Variants in FAM78B observed in about 807,000 individuals in gnomAD.
The protein encoded by FAM78B is family with sequence similarity 78 member B, also known as protein FAM78B.
FAM78B carries 10 observed loss-of-function variants against 20.0 expected under a neutral mutation model. That is an observed-to-expected ratio of 0.50 (90% CI 0.31 to 0.85). The LOEUF (loss-of-function observed/expected upper bound fraction) is 0.85, where lower values mean the gene tolerates loss of function less well. FAM78B is among the 40% of genes least tolerant of loss of function. The pLI, the probability that FAM78B is intolerant of heterozygous loss-of-function variation, is 0.05. For missense variants in FAM78B, 283 were observed against 345.0 expected (o/e 0.82, Z 1.42); for synonymous variants, 135 against 132.8 (o/e 1.02, Z -0.12).
At chr1:166,092,171 G>C (rs569742277) in intron 1 of FAM78B, among the ~76,000 whole-genome samples, 1 of 151,996 alleles carries the variant, frequency 6.6e-6, no homozygotes, top group African/African-American at 2.4e-5. Context: ...TGGTAAACAT[G>C]AGCCAGAAAT....
intron 1 of FAM78B, among the ~76,000 whole-genome samples, chr1:166,083,494 A>G (rs1483823798): frequency 6.6e-6 from 1 of 151,958 alleles, no homozygotes; most frequent in Non-Finnish European, 1.5e-5. Flanking sequence ...TAATAACAAA[A>G]CCCACGCTGT....
chr1:166,141,820 G>A (rs1444347079), intron 1 of FAM78B, among the ~76,000 whole-genome samples: 1 of 152,198 alleles, frequency 6.6e-6, no homozygotes, highest in Admixed American at 6.5e-5. Flanking sequence ...GCCAAGAACA[G>A]ACTAAGAGTG....
chr1:166,114,431 G>C (rs1654181751), intron 1 of FAM78B, among the ~76,000 whole-genome samples: 1 of 152,188 alleles, frequency 6.6e-6, no homozygotes, highest in South Asian at 2.1e-4. Flanking sequence ...CCACCTTTTG[G>C]AAAGACTGGC....
chr1:166,076,410 A>G (rs1334263842), intron 1 of FAM78B, among the ~76,000 whole-genome samples: 2 of 152,024 alleles, frequency 1.3e-5, no homozygotes, highest in Non-Finnish European at 2.9e-5. Flanking sequence ...ATTCCTTTGG[A>G]TATCTGAAAG....
chr1:166,071,444 G>A (rs917012295), intron 1 of FAM78B, among the ~76,000 whole-genome samples: 1 of 152,192 alleles, frequency 6.6e-6, no homozygotes, highest in Non-Finnish European at 1.5e-5. Flanking sequence ...GTCCAGCCTG[G>A]AAGCCTCACA....
chr1:166,101,877 C>T (rs570675328), intron 1 of FAM78B, among the ~76,000 whole-genome samples: 2,580 of 151,930 alleles, frequency 0.017, 76 homozygotes, highest in African/African-American at 0.058. Context: ...AGATACTCCT[C>T]GAGAAGAGCA....
intron 1 of FAM78B, among the ~76,000 whole-genome samples, chr1:166,140,779 C>G (rs899952322): frequency 7.2e-5 from 11 of 152,202 alleles, no homozygotes; most frequent in African/African-American, 2.2e-4. Flanking sequence ...CCTCCCTGAT[C>G]ACTGGTCTAC....
intron 1 of FAM78B, among the ~76,000 whole-genome samples, chr1:166,160,887 G>C (rs1228330238): frequency 3.3e-5 from 5 of 152,200 alleles, no homozygotes; most frequent in Non-Finnish European, 7.3e-5. Context: ...ATGGTAACCA[G>C]TATAAGAACA....
intron 1 of FAM78B, among the ~76,000 whole-genome samples, chr1:166,083,007 A>G (rs1013869327): frequency 6.6e-6 from 1 of 152,184 alleles, no homozygotes; most frequent in Non-Finnish European, 1.5e-5. Context: ...CACACATTCA[A>G]TCCAGCCCAT....
downstream of FAM78B, among the ~76,000 whole-genome samples, chr1:166,069,028 A>G (rs1651907689): frequency 1.3e-5 from 2 of 152,192 alleles, no homozygotes; most frequent in South Asian, 4.1e-4. Context: ...ATTTTCTTTG[A>G]AGAGCTCTAA....
chr1:166,103,860 A>G (rs1279368858), intron 1 of FAM78B, among the ~76,000 whole-genome samples: 1 of 152,244 alleles, frequency 6.6e-6, no homozygotes. Context: ...TTATGAGGCC[A>G]GCATCATCCT....
intron 1 of FAM78B, among the ~76,000 whole-genome samples, chr1:166,084,238 C>CACACACACACA (rs59324558): frequency 4.8e-5 from 3 of 62,906 alleles, no homozygotes; most frequent in African/African-American, 1.4e-4. Context: ...CACACACACA[C>CACACACACACA]TCTCTCTCTC....
intron 1 of FAM78B, among the ~76,000 whole-genome samples, chr1:166,150,323 G>C (rs561487974): frequency 6.6e-6 from 1 of 152,268 alleles, no homozygotes; most frequent in South Asian, 2.1e-4. Flanking sequence ...TTTTATCAAA[G>C]AGCCTTGCCT....
intron 1 of FAM78B, among the ~76,000 whole-genome samples, chr1:166,152,395 C>G (rs958062850): frequency 2.0e-5 from 3 of 152,166 alleles, no homozygotes; most frequent in East Asian, 3.9e-4. Context: ...CTAGGCCCAC[C>G]ATAGCTTCCC....
At chr1:166,078,283 C>T (rs1428991364) in intron 1 of FAM78B, among the ~76,000 whole-genome samples, 1 of 152,202 alleles carries the variant, frequency 6.6e-6, no homozygotes, top group Admixed American at 6.5e-5. Context: ...CCTGCCTCGA[C>T]CTCCCAAAGT....
At chr1:166,079,859 G>A (rs1328476460) in intron 1 of FAM78B, among the ~76,000 whole-genome samples, 1 of 152,152 alleles carries the variant, frequency 6.6e-6, no homozygotes, top group Non-Finnish European at 1.5e-5. Context: ...GTTAGGGATG[G>A]GCAGAGCTGG....
rs1424241213 is a variant in FAM78B at position 166,166,821 on chromosome 1, A to AGCGGCG, written c.-579_-574dup. 2 of 150,500 alleles carry AGCGGCG rather than the reference A, an allele frequency of 1.3e-5. No homozygotes were observed. Among genetic ancestry groups the AGCGGCG allele is most frequent in the African/African-American group, 2.5e-5 (1 of 40,810 alleles). The allele number at this position is 150,500 out of a possible 1,614,324, so 9.3% of individuals were successfully genotyped here. On this transcript the variant is annotated 5_prime_UTR_variant, in exon 1 of 2. Transcript: ENST00000354422. ...GGCCCAAGAGGCAGGCGGAGGCAGC[A>AGCGGCG]GCGGCGGCGGCGGCGACCGGAGCTC... is the stretch of plus-strand genomic sequence containing the variant.
chr1:166,115,228 A>C (rs375984549), intron 1 of FAM78B, among the ~76,000 whole-genome samples: 159 of 152,374 alleles, frequency 1.0e-3, no homozygotes, highest in African/African-American at 3.6e-3. Flanking sequence ...GACGATACAC[A>C]AACAAGATAA....
chr1:166,108,079 G>A (rs1275992804), intron 1 of FAM78B, among the ~76,000 whole-genome samples: 1 of 152,030 alleles, frequency 6.6e-6, no homozygotes, highest in Non-Finnish European at 1.5e-5. Flanking sequence ...TCTGAGAACT[G>A]GAACAAGACA....
Sources: allele counts gnomAD v4.1 joint callset (sites outside exome capture counted in the v4.1 genomes callset), GRCh38; gene constraint gnomAD v4.1.1; transcripts MANE v1.5; gene names NCBI Gene and HGNC (gene_info 2026-07-23, HGNC 2026-07-21).